ABR: variants seen among roughly 807,000 people sequenced by gnomAD.
The protein encoded by ABR is active breakpoint cluster region-related protein.
ABR carries 35 observed loss-of-function variants against 107.2 expected under a neutral mutation model. That is an observed-to-expected ratio of 0.33 (90% CI 0.25 to 0.43). The LOEUF is 0.43. ABR is among the 20% of genes least tolerant of loss of function. The probability of loss-of-function intolerance (pLI) is 1.00; values close to 1 mark genes in which losing one functional copy is unlikely to be tolerated. For synonymous variants in ABR, 498 were observed against 462.0 expected, an observed-to-expected ratio of 1.08 and a Z score of -1.00; for missense variants, 815 against 1,115.2, an observed-to-expected ratio of 0.73 and a Z score of 3.83.
intron 1 of ABR, among the ~76,000 whole-genome samples, chr17:1,216,355 G>A (rs113379922): frequency 4.3e-4 from 66 of 152,272 alleles, no homozygotes; most frequent in Middle Eastern, 3.4e-3. Context: ...CTAGAGTCAC[G>A]CAGGAGTGAG....
intron 1 of ABR, among the ~76,000 whole-genome samples, chr17:1,173,617 C>T (rs528300788): frequency 3.3e-5 from 5 of 152,100 alleles, no homozygotes; most frequent in Non-Finnish European, 2.9e-5. Flanking sequence ...CAGCCGGAAA[C>T]GCATGGACGG....
In ABR at chr17:1,051,937, G is replaced by A. The variant is rs980804318; in HGVS notation, c.1562-1303C>T. Among the ~76,000 whole-genome samples the A allele has an allele frequency of 6.6e-6, 1 of 152,124 alleles. No individual in the cohort carries two copies. Among genetic ancestry groups the A allele is most frequent in the Non-Finnish European group, 1.5e-5 (1 of 68,020 alleles). ...AAAAATACAAAAGTGAGCCCGGCGT[G>A]GTGGCACATGCCTGTAGTCCCAGCT... On this transcript the variant is annotated intron_variant, in intron 14 of 22. Coordinates refer to ENST00000302538, the MANE Select transcript of ABR (RefSeq NM_021962.5). The surrounding 1 kb of genome is among the most constrained non-coding windows in gnomAD (Gnocchi z 4.3).
intron 1 of ABR, chr17:1,125,681 T>C (rs1046477114): frequency 5.9e-6 from 2 of 338,564 alleles, no homozygotes; most frequent in Admixed American, 4.9e-5. Flanking sequence ...TAATTCCAAG[T>C]GTAAAAATTA....
chr17:1,009,631 T>C, intron 21 of ABR, 48 bp downstream of exon 21: 1 of 1,545,332 alleles, frequency 6.5e-7, no homozygotes, highest in Non-Finnish European at 8.9e-7. Flanking sequence ...CCGTTACCTT[T>C]TCATGAGGAG....
At chr17:1,013,485 C>T (rs1440733204) in intron 16 of ABR, among the ~76,000 whole-genome samples, 3 of 152,154 alleles carry the variant, frequency 2.0e-5, no homozygotes, top group Admixed American at 1.3e-4. Context: ...CTGTTAGGCA[C>T]TCCTGGCTGC....
chr17:1,164,576 G>T (rs769155521), intron 1 of ABR, among the ~76,000 whole-genome samples: 2 of 152,074 alleles, frequency 1.3e-5, no homozygotes, highest in Non-Finnish European at 2.9e-5. Context: ...TCGGTCTACA[G>T]ATAAAATGCA....
At chr17:1,229,715 GCCT>G (rs2043301506) in exon 1 of ABR, among the ~76,000 whole-genome samples, 1 of 151,994 alleles carries the variant, frequency 6.6e-6, no homozygotes, top group Admixed American at 6.5e-5. Context: ...CCGCCCTCGC[GCCT>G]CCTCCCCGTC....
chr17:1,143,611 C>T (rs73975651), intron 1 of ABR, among the ~76,000 whole-genome samples: 1 of 151,992 alleles, frequency 6.6e-6, no homozygotes, highest in East Asian at 1.9e-4. Context: ...GGAACAGACT[C>T]GAGGCCCCAC....
chr17:1,101,949 G>C (rs958128235), intron 2 of ABR, among the ~76,000 whole-genome samples: 6 of 151,962 alleles, frequency 3.9e-5, no homozygotes, highest in Admixed American at 6.6e-5. Context: ...TAGCCAGGAT[G>C]GTCTCGATCT....
At chr17:1,171,335 C>G (rs553003719) in intron 1 of ABR, among the ~76,000 whole-genome samples, 1 of 152,180 alleles carries the variant, frequency 6.6e-6, no homozygotes, top group Non-Finnish European at 1.5e-5. Context: ...TTCAATCCCA[C>G]GAAGGTAATG....
chr17:1,085,777 A>G (rs2036554972), intron 4 of ABR, among the ~76,000 whole-genome samples: 1 of 152,222 alleles, frequency 6.6e-6, no homozygotes, highest in Non-Finnish European at 1.5e-5. Context: ...ATGTTCAAAT[A>G]ATATTTGGAT....
chr17:1,030,176 A>G (rs1368700318), intron 16 of ABR, among the ~76,000 whole-genome samples: 1 of 152,212 alleles, frequency 6.6e-6, no homozygotes, highest in Non-Finnish European at 1.5e-5. Flanking sequence ...GGGGCTTCTC[A>G]GTTCTGCCGG....
chr17:1,089,154 C>T (rs2036846826), intron 4 of ABR, among the ~76,000 whole-genome samples: 1 of 152,078 alleles, frequency 6.6e-6, no homozygotes, highest in South Asian at 2.1e-4. Context: ...CCCCGGCCTC[C>T]CAAAGTGCTG....
At chr17:1,019,398 G>T (rs1257328907) in intron 16 of ABR, among the ~76,000 whole-genome samples, 1 of 152,250 alleles carries the variant, frequency 6.6e-6, no homozygotes, top group Non-Finnish European at 1.5e-5. Flanking sequence ...TGGGCCAGGG[G>T]CACTTTCCTA....
chr17:1,025,832 G>T (rs146090566), intron 16 of ABR, among the ~76,000 whole-genome samples: 1 of 152,066 alleles, frequency 6.6e-6, no homozygotes, highest in Non-Finnish European at 1.5e-5. Context: ...CGTCTGTCTC[G>T]GGCGCCTCTG....
In ABR at chr17:1,044,292, G is replaced by A. The variant is rs563033846; in HGVS notation, c.1791+5758C>T. 1.2e-4 allele frequency among the ~76,000 whole-genome samples: 18 copies of A among 152,264 alleles called. 1 individual carries two copies. The East Asian group carries it at 3.5e-3, about 29-fold the overall frequency. On this transcript the variant is annotated intron_variant, in intron 16 of 22. Transcript: ENST00000302538. ...CAAGCTCTGTGACCGCGGCTGCCTC[G>A]CTCACCCTTGCTGGTGTCCATTTCC...
At chr17:1,203,401 G>GTTGA (rs1394088581) in intron 1 of ABR, among the ~76,000 whole-genome samples, 8,208 of 12,348 alleles carry the variant, frequency 0.66, 2,893 homozygotes, top group East Asian at 0.84. Context: ...CGGGGCCCGC[G>GTTGA]GGGGGCGGAG....
In ABR at chr17:1,011,467, C is replaced by T; in HGVS notation, c.2101+379G>A. The T allele has an allele frequency of 5.7e-6, 1 of 175,444 alleles. No homozygotes were observed. The highest frequency in any genetic ancestry group is 1.2e-5 in the Non-Finnish European group (1 of 82,532). The allele number at this position is 175,444 out of a possible 1,614,324, so 10.9% of individuals were successfully genotyped here. On this transcript the variant is annotated intron_variant, in intron 19 of 22. Transcript: ENST00000302538. This position sits in a 1 kb window ranked among gnomAD's most constrained non-coding sequence, Gnocchi z 4.8. ...TGGGCTTCACGCAGAGGCAGCACTGCCCCAGAGGGGACCTGGGGCCCTGGA... is the reference window on the plus strand; with the variant it reads ...TGGGCTTCACGCAGAGGCAGCACTGTCCCAGAGGGGACCTGGGGCCCTGGA...
chr17:1,041,143 C>A (rs1287248837), intron 16 of ABR, among the ~76,000 whole-genome samples: 1 of 151,902 alleles, frequency 6.6e-6, no homozygotes, highest in Admixed American at 6.6e-5. Context: ...TGGTCTCGAA[C>A]TCCTGACCTC....
Sources: gnomAD v4.1 joint callset for allele counts (sites outside exome capture counted in the v4.1 genomes callset) on GRCh38, gnomAD v4.1.1 for gene constraint, Gnocchi (gnomAD v3.1) non-coding constraint, MANE v1.5 for transcripts, NCBI Gene and HGNC (gene_info 2026-07-23, HGNC 2026-07-21) for gene names.